The following CPEB1 variants were observed in gnomAD, a reference collection of about 807,000 sequenced individuals.
The protein encoded by CPEB1 is cytoplasmic polyadenylation element-binding protein 1.
CPEB1 carries 7 observed loss-of-function variants against 65.8 expected under a neutral mutation model. The observed-to-expected ratio is 0.11, with a 90% CI of 0.06 to 0.20. The LOEUF is 0.20. Among genes scored for constraint, CPEB1 ranks in the 10% least tolerant of loss-of-function variants. CPEB1 has a pLI of 1.00. For missense variants in CPEB1, 551 were observed against 712.2 expected, an observed-to-expected ratio of 0.77 and a Z score of 2.58; for synonymous variants, 262 against 260.0, an observed-to-expected ratio of 1.01 and a Z score of -0.08.
intron 4 of CPEB1, among the ~76,000 whole-genome samples, chr15:82,558,627 C>T (rs772962671): frequency 2.0e-5 from 3 of 152,178 alleles, no homozygotes; most frequent in East Asian, 1.9e-4. Flanking sequence ...TCTGACACCT[C>T]TTGTATATGT....
In CPEB1 at chr15:82,644,667, T is replaced by C. The variant is rs587687229; in HGVS notation, c.-98+2470A>G. On this transcript the variant is annotated intron_variant, in intron 1 of 12. Transcript: ENST00000684509. ...TTTTTGCTGAGCAACAATCAGCTAG[T>C]GGCTGCTCCTTTCAAAGAGGCACAT... 3.0e-4 allele frequency among the ~76,000 whole-genome samples: 46 copies of C among 152,342 alleles called. No individual in the cohort carries two copies. The South Asian group carries it at 9.3e-3, about 31-fold the overall frequency.
intron 4 of CPEB1, among the ~76,000 whole-genome samples, chr15:82,564,648 C>T (rs2038824209): frequency 1.3e-5 from 2 of 152,144 alleles, no homozygotes; most frequent in Admixed American, 6.5e-5. Context: ...TAAACCTTAA[C>T]TCATCCCTAC....
upstream of CPEB1, chr15:82,648,367 C>T (rs587717724): frequency 5.0e-4 from 76 of 153,190 alleles, no homozygotes; most frequent in South Asian, 1.0e-3. Flanking sequence ...CCAGTGATCT[C>T]TCCAGGGCGA....
At chr15:82,551,161 CCTCT>C (rs1388750429) in intron 9 of CPEB1, among the ~76,000 whole-genome samples, 2 of 152,032 alleles carry the variant, frequency 1.3e-5, no homozygotes, top group African/African-American at 4.8e-5. Flanking sequence ...ATGAGCCTGC[CCTCT>C]CTCTAACACA....
At chr15:82,551,377 A>G (rs1380011556) in intron 9 of CPEB1, among the ~76,000 whole-genome samples, 1 of 152,152 alleles carries the variant, frequency 6.6e-6, no homozygotes, top group Non-Finnish European at 1.5e-5. Flanking sequence ...AGGATCCCGC[A>G]TGAGAGTGGA....
chr15:82,577,699 T>C (rs1296450872), intron 3 of CPEB1, among the ~76,000 whole-genome samples: 1 of 151,948 alleles, frequency 6.6e-6, no homozygotes, highest in Non-Finnish European at 1.5e-5. Flanking sequence ...GGGAAGTATA[T>C]TTTTGTAAAG....
intron 3 of CPEB1, among the ~76,000 whole-genome samples, chr15:82,590,209 CAAAAAAAA>C (rs5814120): frequency 2.0e-4 from 21 of 104,152 alleles, no homozygotes; most frequent in Non-Finnish European, 2.6e-4. Flanking sequence ...ATCCCTTTGA[CAAAAAAAA>C]AAAAAAAAAA....
intron 3 of CPEB1, among the ~76,000 whole-genome samples, chr15:82,586,045 G>A (rs1222234202): frequency 2.6e-5 from 4 of 152,136 alleles, no homozygotes; most frequent in African/African-American, 9.7e-5. Context: ...AATGGTGTAA[G>A]TGATAAAGTA....
rs750321237 is a variant in CPEB1, at chr15:82,547,131, C to T, written c.1575+12G>A. ...TATACCCCAGAGTAAGGGCATAAAC[C>T]AGCCAACTCACCTTCTTTGTGAACT... is the stretch of plus-strand genomic sequence containing the variant. On this transcript the variant is annotated intron_variant, in intron 11 of 12. Coordinates refer to ENST00000684509, the MANE Select transcript of CPEB1 (RefSeq NM_001365242.1). 1.9e-6 allele frequency: 3 copies of T among 1,600,102 alleles called. No homozygotes were observed. Among genetic ancestry groups the T allele is most frequent in the African/African-American group, 2.7e-5 (2 of 74,562 alleles).
intron 10 of CPEB1, among the ~76,000 whole-genome samples, chr15:82,548,455 T>C (rs2035662850): frequency 1.3e-5 from 2 of 152,342 alleles, no homozygotes; most frequent in Admixed American, 1.3e-4. Context: ...CGTACCATAT[T>C]TGACAGTGGA....
rs116820851 is a variant in CPEB1 at position 82,634,262 on chromosome 15, A to G, written c.-97-5706T>C. Among the ~76,000 whole-genome samples the G allele has an allele frequency of 4.6e-3, 692 of 151,798 alleles. 7 individuals carry two copies. Among genetic ancestry groups the G allele is most frequent in the African/African-American group, 0.016 (662 of 41,332 alleles). ...TAAAAATCTGAACCACACTTTGTAG[A>G]TATGTTTGCTAAAGATCCCCAAATT... On this transcript the variant is annotated intron_variant, in intron 1 of 12. Coordinates refer to ENST00000684509, the MANE Select transcript of CPEB1 (RefSeq NM_001365242.1).
upstream of CPEB1, chr15:82,647,822 G>A: frequency 1.6e-6 from 2 of 1,281,694 alleles, no homozygotes; most frequent in Non-Finnish European, 2.0e-6. Context: ...GCCGGGACGC[G>A]GCCCCGCCCA....
chr15:82,629,323 C>T (rs1596131394), intron 1 of CPEB1: 1 of 984,556 alleles, frequency 1.0e-6, no homozygotes, highest in African/African-American at 1.7e-5. Flanking sequence ...AGGTAAGTAC[C>T]AACAGTGGTA....
At chr15:82,647,817 G>GA, upstream of CPEB1, 1 of 1,283,220 alleles carries the variant, frequency 7.8e-7, no homozygotes, top group Non-Finnish European at 9.8e-7. Flanking sequence ...CTGCGGCCGG[G>GA]ACGCGGCCCC....
rs1040195563 is a variant in CPEB1, at chr15:82,543,864, G to A, written c.*728C>T. 3.3e-5 allele frequency: 5 copies of A among 152,120 alleles called. No homozygotes were observed. Among genetic ancestry groups the A allele is most frequent in the African/African-American group, 1.2e-4 (5 of 41,338 alleles). The allele number at this position is 152,120 out of a possible 1,614,324, so 9.4% of individuals were successfully genotyped here. A position where few individuals can be genotyped will look rare whatever the true frequency, so the allele number is the denominator to read the frequency against. Reference sequence around the variant, plus strand: ...TGCAAATGCCTTGATTTGCAACTGTGAGAAACAGTGACCAGCAGTCCCCCA... The same window carrying A: ...TGCAAATGCCTTGATTTGCAACTGTAAGAAACAGTGACCAGCAGTCCCCCA... On this transcript the variant is annotated 3_prime_UTR_variant, in exon 13 of 13. Transcript: ENST00000684509.
intron 3 of CPEB1, among the ~76,000 whole-genome samples, chr15:82,603,733 C>T (rs2043314056): frequency 2.0e-5 from 3 of 151,996 alleles, no homozygotes; most frequent in African/African-American, 7.2e-5. Flanking sequence ...CCATCATTAG[C>T]CGACTACTAA....
At chr15:82,623,607 T>C (rs772890000) in intron 3 of CPEB1, among the ~76,000 whole-genome samples, 8 of 152,038 alleles carry the variant, frequency 5.3e-5, no homozygotes, top group Non-Finnish European at 1.2e-4. Flanking sequence ...ACCCGGGAGT[T>C]GGAGGTTGCA....
At chr15:82,576,708 A>C (rs895540317) in intron 3 of CPEB1, among the ~76,000 whole-genome samples, 2 of 152,226 alleles carry the variant, frequency 1.3e-5, no homozygotes, top group African/African-American at 4.8e-5. Context: ...AGTCTGACTG[A>C]ACTAATTGAT....
upstream of CPEB1, chr15:82,647,906 C>T: frequency 4.9e-6 from 6 of 1,229,560 alleles, no homozygotes; most frequent in Non-Finnish European, 6.1e-6. Flanking sequence ...GACGGGCTGA[C>T]CGGCCAGCCG....
Sources: gnomAD v4.1 joint callset for allele counts (sites outside exome capture counted in the v4.1 genomes callset) on GRCh38, gnomAD v4.1.1 for gene constraint, MANE v1.5 for transcripts, NCBI Gene and HGNC (gene_info 2026-07-23, HGNC 2026-07-21) for gene names.